Variants in ATG4B observed in about 807,000 individuals in gnomAD.
The protein encoded by ATG4B is autophagy related 4B cysteine peptidase.
In ATG4B, 29 loss-of-function variants were observed where a neutral mutation model predicts 56.6. The ratio of observed to expected loss-of-function variants is 0.51; its 90% CI spans 0.38 to 0.70. The LOEUF is 0.70. Among genes scored for constraint, ATG4B ranks in the 30% least tolerant of loss-of-function variants. The probability of loss-of-function intolerance (pLI) is 0.00; values close to 1 mark genes in which losing one functional copy is unlikely to be tolerated. For synonymous variants in ATG4B, 224 were observed against 206.1 expected (o/e 1.09, Z -0.74); for missense variants, 461 against 515.5 (o/e 0.89, Z 1.02).
intron 1 of ATG4B, 111 bp from the exon 2 acceptor site, chr2:241,650,899 C>T: frequency 2.3e-6 from 2 of 883,204 alleles, no homozygotes; most frequent in East Asian, 2.7e-5. Flanking sequence ...GCTGCTGTTA[C>T]AAGAATTTAC....
intron 1 of ATG4B, among the ~76,000 whole-genome samples, chr2:241,647,622 CAAAA>C (rs35875880): frequency 1.1e-4 from 13 of 117,650 alleles, no homozygotes; most frequent in Admixed American, 1.8e-4. Flanking sequence ...GACTCCGTCT[CAAAA>C]AAAAAAAAAA....
At chr2:241,663,267 A>G (rs970177895) in intron 7 of ATG4B, among the ~76,000 whole-genome samples, 3 of 152,184 alleles carry the variant, frequency 2.0e-5, no homozygotes, top group Non-Finnish European at 4.4e-5. Flanking sequence ...ATAAAAATAT[A>G]TAGAAAACAG....
chr2:241,665,126 A>G (rs1246653701), intron 7 of ATG4B, among the ~76,000 whole-genome samples: 3 of 152,214 alleles, frequency 2.0e-5, no homozygotes, highest in Non-Finnish European at 4.4e-5. Flanking sequence ...TCTCTAAAAG[A>G]AATTTAAAAA....
chr2:241,647,979 T>C (rs1321800124), intron 1 of ATG4B, among the ~76,000 whole-genome samples: 1 of 152,094 alleles, frequency 6.6e-6, no homozygotes, highest in Non-Finnish European at 1.5e-5. Flanking sequence ...CCGGGCATGG[T>C]GGCAGATGTC....
chr2:241,646,113 C>G (rs988462437), intron 1 of ATG4B, among the ~76,000 whole-genome samples: 1 of 152,172 alleles, frequency 6.6e-6, no homozygotes, highest in African/African-American at 2.4e-5. Context: ...TGTATTTGAA[C>G]TTAATGGAAC....
intron 1 of ATG4B, among the ~76,000 whole-genome samples, chr2:241,643,857 C>G (rs1328752096): frequency 6.6e-6 from 1 of 151,856 alleles, no homozygotes; most frequent in Non-Finnish European, 1.5e-5. Context: ...GCCACTGCAC[C>G]CGGCGAGTGG....
At chr2:241,648,502 G>T (rs867782204) in intron 1 of ATG4B, among the ~76,000 whole-genome samples, 2 of 152,052 alleles carry the variant, frequency 1.3e-5, no homozygotes, top group Non-Finnish European at 2.9e-5. Context: ...GGCTGAGACC[G>T]GAGAATTGAT....
At chr2:241,662,420 G>A (rs181102053) in intron 7 of ATG4B, among the ~76,000 whole-genome samples, 38 of 152,304 alleles carry the variant, frequency 2.5e-4, no homozygotes, top group African/African-American at 8.9e-4. Context: ...AGTTGTCATT[G>A]ATAGAGAAAT....
intron 5 of ATG4B, 138 bp from the exon 6 acceptor site, chr2:241,655,133 G>C (rs2125128275): frequency 2.6e-6 from 2 of 772,058 alleles, no homozygotes; most frequent in Non-Finnish European, 4.4e-6. Flanking sequence ...CCCCGATCTT[G>C]TTGGGGCATC....
chr2:241,638,565 C>A (rs1000113830), intron 1 of ATG4B, among the ~76,000 whole-genome samples: 1 of 152,146 alleles, frequency 6.6e-6, no homozygotes, highest in Non-Finnish European at 1.5e-5. Flanking sequence ...CCAAGTATCC[C>A]CCATCTGTAA....
chr2:241,665,340 C>G (rs1463570242), intron 7 of ATG4B, among the ~76,000 whole-genome samples: 1 of 152,164 alleles, frequency 6.6e-6, no homozygotes, highest in Non-Finnish European at 1.5e-5. Flanking sequence ...AGAGGTGACG[C>G]CACGACTCAC....
Position 241,651,861 on chromosome 2 carries a change from A to G in ATG4B, c.184+526A>G, listed in dbSNP as rs1575067480. 1 of 1,288,884 alleles carries G rather than the reference A, an allele frequency of 7.8e-7. No individual in the cohort carries two copies. 79.8% of individuals were successfully genotyped at this position (1,288,884 alleles called of 1,614,324 possible). On this transcript the variant is annotated intron_variant, in intron 3 of 12. Coordinates refer to ENST00000404914, the MANE Select transcript of ATG4B (RefSeq NM_013325.5). This position sits in a 1 kb window ranked among gnomAD's most constrained non-coding sequence, Gnocchi z 4.1. ...TGAATGTGACATGTTTTTATGTAAC[A>G]CTAAGGTGCATTCTGTTAAAAGCCA...
chr2:241,664,063 C>T (rs1410182568), intron 7 of ATG4B, among the ~76,000 whole-genome samples: 1 of 152,080 alleles, frequency 6.6e-6, no homozygotes, highest in African/African-American at 2.4e-5. Context: ...CATGATCTGC[C>T]CACCTTGGCC....
intron 7 of ATG4B, among the ~76,000 whole-genome samples, chr2:241,662,085 T>C (rs1385155344): frequency 6.6e-6 from 1 of 152,186 alleles, no homozygotes; most frequent in African/African-American, 2.4e-5. Context: ...TTAGAACTTT[T>C]CGGGAGAGTT....
Position 241,673,557 on chromosome 2 carries a change from A to G in ATG4B, c.*1293A>G. The G allele has an allele frequency of 2.2e-6, 1 of 453,510 alleles. No homozygotes were observed. The highest frequency in any genetic ancestry group is 4.4e-6 in the Non-Finnish European group (1 of 226,390). 28.1% of individuals were successfully genotyped at this position (453,510 alleles called of 1,614,324 possible). ...ACCGGCCCACCTGGTAGCAGAGGAC[A>G]CCCCCAGCCCCCCAAGCATTGAAGA... On this transcript the variant is annotated 3_prime_UTR_variant, in exon 13 of 13. Coordinates refer to ENST00000404914, the MANE Select transcript of ATG4B (RefSeq NM_013325.5).
intron 3 of ATG4B, among the ~76,000 whole-genome samples, chr2:241,652,564 G>T (rs909219610): frequency 6.6e-6 from 1 of 152,210 alleles, no homozygotes; most frequent in East Asian, 1.9e-4. Context: ...GTTTCGCTAT[G>T]TTGCCCAGGC....
At chr2:241,657,853 C>G (rs1474160453) in intron 6 of ATG4B, among the ~76,000 whole-genome samples, 2 of 152,240 alleles carry the variant, frequency 1.3e-5, no homozygotes, top group African/African-American at 4.8e-5. Context: ...CGCCCTGGCT[C>G]TTCACTGCTG....
At position 241,651,512 on chromosome 2, in the gene ATG4B, G is replaced by A. The variant is rs547253852; in HGVS notation, c.184+177G>A. On this transcript the variant is annotated intron_variant, in intron 3 of 12. Transcript: ENST00000404914. This position sits in a 1 kb window ranked among gnomAD's most constrained non-coding sequence, Gnocchi z 4.1. ...TAGTAGTGGCAAAGCTAGAATCCAC[G>A]GCGCCTGACTCTAGGCTAGTGTGTT... is the stretch of plus-strand genomic sequence containing the variant. 3.3e-5 allele frequency among the ~76,000 whole-genome samples: 5 copies of A among 152,316 alleles called. No homozygotes were observed. The highest frequency in any genetic ancestry group is 2.1e-4 in the South Asian group (1 of 4,826).
intron 5 of ATG4B, chr2:241,654,992 C>T (rs1382878226): frequency 3.5e-6 from 2 of 577,394 alleles, no homozygotes; most frequent in Non-Finnish European, 6.2e-6. Flanking sequence ...GTTGGCCTTT[C>T]TTGCAAGCAA....
Sources: allele counts gnomAD v4.1 joint callset (sites outside exome capture counted in the v4.1 genomes callset), GRCh38; gene constraint gnomAD v4.1.1; non-coding constraint Gnocchi (gnomAD v3.1); transcripts MANE v1.5; gene names NCBI Gene and HGNC (gene_info 2026-07-23, HGNC 2026-07-21).